The following ERCC6L2 variants were observed in gnomAD, a reference collection of about 807,000 sequenced individuals.
The protein encoded by ERCC6L2 is DNA excision repair protein ERCC-6-like 2.
A neutral mutation model predicts 132.0 loss-of-function variants in ERCC6L2; 77 were observed. The observed-to-expected ratio is 0.58, with a 90% CI of 0.49 to 0.71. The LOEUF (loss-of-function observed/expected upper bound fraction) is 0.71. ERCC6L2 is among the 30% of genes least tolerant of loss of function. The pLI is 0.00. For missense variants in ERCC6L2, 1,542 were observed against 1,837.6 expected, an observed-to-expected ratio of 0.84 and a Z score of 2.94; for synonymous variants, 583 against 632.4, an observed-to-expected ratio of 0.92 and a Z score of 1.17.
chr9:95,981,353 G>T (rs1382580313), intron 17 of ERCC6L2, among the ~76,000 whole-genome samples: 2 of 152,146 alleles, frequency 1.3e-5, no homozygotes, highest in East Asian at 3.9e-4. Context: ...TCTTAAAAAG[G>T]AGTAAAATGT....
At chr9:95,969,430 G>A (rs1251142338) in intron 14 of ERCC6L2, among the ~76,000 whole-genome samples, 2 of 152,114 alleles carry the variant, frequency 1.3e-5, no homozygotes, top group Non-Finnish European at 2.9e-5. Context: ...ATGAGAAGTG[G>A]CTGGATGCTG....
chr9:95,929,656 C>A (rs572625628), intron 11 of ERCC6L2, among the ~76,000 whole-genome samples: 1 of 152,298 alleles, frequency 6.6e-6, no homozygotes, highest in Non-Finnish European at 1.5e-5. Flanking sequence ...TTTAATTATT[C>A]TTGAATTCCT....
At chr9:96,020,829 C>T (rs1369550934), downstream of ERCC6L2, 1 of 456,714 alleles carries the variant, frequency 2.2e-6, no homozygotes, top group African/African-American at 2.0e-5. Context: ...CTCCCTTGGC[C>T]GTTAAAACCC....
At chr9:96,032,067 G>A (rs1005298349) in intron 19 of ERCC6L2, among the ~76,000 whole-genome samples, 15 of 152,136 alleles carry the variant, frequency 9.9e-5, no homozygotes, top group African/African-American at 3.1e-4. Context: ...AGCAGAGAGC[G>A]GGGGCTACTT....
chr9:95,901,653 T>G (rs969145719), intron 3 of ERCC6L2, among the ~76,000 whole-genome samples: 3 of 152,210 alleles, frequency 2.0e-5, no homozygotes, highest in African/African-American at 7.2e-5. Flanking sequence ...TCTTCAGGTG[T>G]GCCAGTTCTC....
At chr9:95,999,975 G>A (rs1006869989) in intron 17 of ERCC6L2, among the ~76,000 whole-genome samples, 4 of 150,726 alleles carry the variant, frequency 2.7e-5, no homozygotes, top group South Asian at 4.2e-4. Flanking sequence ...TGCAACCTCC[G>A]ACTCCCTGGT....
chr9:95,972,531 G>T lies in ERCC6L2; in HGVS notation c.2780G>T (p.Gly927Val), dbSNP rs1230006372. The T allele has an allele frequency of 2.3e-6, 3 of 1,289,830 alleles. No homozygotes were observed. Among genetic ancestry groups the T allele is most frequent in the Non-Finnish European group, 3.0e-6 (3 of 988,902 alleles). 79.9% of individuals were successfully genotyped at this position (1,289,830 alleles called of 1,614,324 possible). A position where few individuals can be genotyped will look rare whatever the true frequency, so the allele number is the denominator to read the frequency against. The change falls in exon 16 of 19, where the codon GGA becomes GTA. Residue 927 changes from glycine to valine, a missense_variant. Physicochemically the swap from Gly to Val is moderately radical, Grantham distance 109 (BLOSUM62 -3). Around this residue, in one of 4 missense-constraint regions of ERCC6L2, gnomAD observed 945 missense variants for 1,105.2 expected, o/e 0.86. Transcript: ENST00000653738. ...ATAAGGTTTAAGCCACCCTTGGAAG[G>T]ATCTGAGGATTCTGAAACAGAACAC... ...NSIRFKPPLEGSEDSETEHTV... is the reference protein window; with the variant it reads ...NSIRFKPPLEVSEDSETEHTV...
chr9:95,987,849 C>T (rs1045575633), intron 17 of ERCC6L2, among the ~76,000 whole-genome samples: 7 of 152,232 alleles, frequency 4.6e-5, no homozygotes, highest in East Asian at 1.9e-4. Context: ...CTGCAGCAAA[C>T]GTCTGCCTGG....
At position 95,903,252 on chromosome 9, in the gene ERCC6L2, T is replaced by C. The variant is rs1828865215; in HGVS notation, c.595-3826T>C. 2.0e-5 allele frequency among the ~76,000 whole-genome samples: 3 copies of C among 152,228 alleles called. No individual in the cohort carries two copies. In the South Asian group the frequency reaches 6.2e-4, roughly 32 times the overall value. On this transcript the variant is annotated intron_variant, in intron 3 of 18. Coordinates refer to ENST00000653738, the MANE Select transcript of ERCC6L2 (RefSeq NM_020207.7). ...TCCACAGTGATTTGAAGGGCCACTT[T>C]GGTGTAAAATTAAACTCATTTCTAT...
At chr9:95,931,389 G>T (rs1830331465) in intron 11 of ERCC6L2, among the ~76,000 whole-genome samples, 1 of 152,122 alleles carries the variant, frequency 6.6e-6, no homozygotes, top group East Asian at 1.9e-4. Flanking sequence ...GAACTGTCAT[G>T]TTGAAGCTTT....
chr9:95,956,960 A>G (rs144807374), intron 13 of ERCC6L2, among the ~76,000 whole-genome samples: 21 of 152,288 alleles, frequency 1.4e-4, no homozygotes, highest in African/African-American at 4.8e-4. Flanking sequence ...AGGGAGCACT[A>G]CCTTAGAGGT....
rs556654777 is a variant in ERCC6L2 at position 95,963,984 on chromosome 9, A to G, written c.1948-2578A>G. On this transcript the variant is annotated intron_variant, in intron 13 of 18. Coordinates refer to ENST00000653738, the MANE Select transcript of ERCC6L2 (RefSeq NM_020207.7). ...TAAGTTTCTCCACTGCAAAGTTACT[A>G]TTTTTTTCTTTGTAATTGATATGTA... is the stretch of plus-strand genomic sequence containing the variant. Among the ~76,000 whole-genome samples the G allele has an allele frequency of 4.6e-5, 7 of 151,870 alleles. No homozygotes were observed. The South Asian group carries it at 8.3e-4, about 18-fold the overall frequency.
Position 96,012,770 on chromosome 9 carries a change from C to G in ERCC6L2, c.4220C>G (p.Thr1407Arg), listed in dbSNP as rs746685635. ...ACCATGAAAGACCAACAGGACCTCA[C>G]AAGAACGGGCATTTCAAGAAAAGAA... ...ENTMKDQQDLTRTGISRKEPL... is the reference protein window; with the variant it reads ...ENTMKDQQDLRRTGISRKEPL... Residue 1407 changes from threonine (T) to arginine (R), a missense_variant, in exon 19 of 19, where the codon ACA becomes AGA. Physicochemically the swap from Thr to Arg is moderately conservative, Grantham distance 71. Coordinates refer to ENST00000653738, the MANE Select transcript of ERCC6L2 (RefSeq NM_020207.7). 1 of 1,367,558 alleles carries G rather than the reference C, an allele frequency of 7.3e-7. No individual in the cohort carries two copies. The highest frequency in any genetic ancestry group is 1.9e-5 in the Admixed American group (1 of 52,586). 84.7% of individuals were successfully genotyped at this position (1,367,558 alleles called of 1,614,324 possible). A position where few individuals can be genotyped will look rare whatever the true frequency, so the allele number is the denominator to read the frequency against.
chr9:96,001,888 G>A (rs1304779875), intron 17 of ERCC6L2, among the ~76,000 whole-genome samples: 3 of 152,256 alleles, frequency 2.0e-5, no homozygotes, highest in African/African-American at 2.4e-5. Flanking sequence ...AAGGCCCGGC[G>A]AGAAATCGAG....
chr9:95,907,857 C>CACACACACACA, intron 4 of ERCC6L2, among the ~76,000 whole-genome samples: 98 of 133,814 alleles, frequency 7.3e-4, no homozygotes, highest in Middle Eastern at 3.9e-3. Context: ...ACACACACAC[C>CACACACACACA]CCCACACCCA....
chr9:96,037,023 C>T (rs1290021044), intron 19 of ERCC6L2, among the ~76,000 whole-genome samples: 4 of 152,092 alleles, frequency 2.6e-5, no homozygotes, highest in East Asian at 3.9e-4. Context: ...GCCTCGGCCT[C>T]CCAAAGTGCT....
At chr9:95,969,474 C>T (rs1302881621) in intron 14 of ERCC6L2, among the ~76,000 whole-genome samples, 1 of 152,066 alleles carries the variant, frequency 6.6e-6, no homozygotes, top group Non-Finnish European at 1.5e-5. Flanking sequence ...ACAGGATTTG[C>T]TGACGGGTCA....
At chr9:96,026,146 G>A (rs1484920493) in intron 19 of ERCC6L2, among the ~76,000 whole-genome samples, 3 of 152,232 alleles carry the variant, frequency 2.0e-5, no homozygotes, top group Non-Finnish European at 4.4e-5. Context: ...GGACCAGCCG[G>A]CCCGGGCGGG....
intron 18 of ERCC6L2, among the ~76,000 whole-genome samples, chr9:96,011,991 A>G (rs1032255061): frequency 6.6e-6 from 1 of 152,220 alleles, no homozygotes; most frequent in Non-Finnish European, 1.5e-5. Flanking sequence ...GCATAAATCA[A>G]AATAACTTAC....
Sources: allele counts gnomAD v4.1 joint callset (sites outside exome capture counted in the v4.1 genomes callset), GRCh38; gene constraint gnomAD v4.1.1; regional missense constraint gnomAD v4.1.1; transcripts MANE v1.5; gene names NCBI Gene and HGNC (gene_info 2026-07-23, HGNC 2026-07-21).